Variants in FREM2 observed in about 807,000 individuals in gnomAD.
FREM2 encodes the protein FRAS1 related extracellular matrix 2.
FREM2 carries 119 observed loss-of-function variants against 219.9 expected under a neutral mutation model. That is an observed-to-expected ratio of 0.54 (90% CI 0.47 to 0.63). FREM2 has a LOEUF of 0.63. Ranked by LOEUF, FREM2 falls within the 30% of genes least tolerant of loss-of-function variation. FREM2 has a pLI of 0.00. For missense variants in FREM2, 4,030 were observed against 3,993.6 expected, an observed-to-expected ratio of 1.01 and a Z score of -0.25; for synonymous variants, 1,562 against 1,522.8, an observed-to-expected ratio of 1.03 and a Z score of -0.60.
rs531307455 is a variant in FREM2 at position 38,843,886 on chromosome 13, CA to C, written c.6020-2686del. Among the ~76,000 whole-genome samples, 464 of 148,338 alleles carry C rather than the reference CA, an allele frequency of 3.1e-3. 2 individuals carry two copies. Among genetic ancestry groups the C allele is most frequent in the African/African-American group, 0.011 (437 of 40,074 alleles). On this transcript the variant is annotated intron_variant, in intron 6 of 23. Coordinates refer to ENST00000280481, the MANE Select transcript of FREM2 (RefSeq NM_207361.6). ...ATGGCACAAGAAACTAGGTAGTTAG[CA>C]GAGTTTTTTTTTTTCTTATGGAAAC...
chr13:38,742,231 A>G (rs1291827572), intron 2 of FREM2, among the ~76,000 whole-genome samples: 1 of 152,236 alleles, frequency 6.6e-6, no homozygotes, highest in Non-Finnish European at 1.5e-5. Flanking sequence ...GTATGCAACT[A>G]CAAGGGTTGT....
rs770648056 is a variant in FREM2 at position 38,690,759 on chromosome 13, A to G, written c.3415A>G (p.Lys1139Glu). The G allele has an allele frequency of 7.4e-6, 12 of 1,614,058 alleles. No homozygotes were observed. The South Asian group carries it at 1.2e-4, about 16-fold the overall frequency. The change falls in exon 1 of 24, where the codon AAA becomes GAA. Residue 1139 changes from lysine to glutamate, a missense_variant. Lys to Glu is a moderately conservative substitution (Grantham distance 56). Around this residue, in one of 2 missense-constraint regions of FREM2, gnomAD observed 3,102 missense variants for 2,950.7 expected, o/e 1.05. Coordinates refer to ENST00000280481, the MANE Select transcript of FREM2 (RefSeq NM_207361.6). Reference sequence around the variant, plus strand: ...GATTGCCATAAGTGCTTTCAACTTGAAAGATCTCAGGCAGGGCCACATAAA... The same window carrying G: ...GATTGCCATAAGTGCTTTCAACTTGGAAGATCTCAGGCAGGGCCACATAAA... ...AGIAISAFNL[K>E]DLRQGHINYV...
At chr13:38,779,177 T>TGAGAACA (rs1178300722) in intron 4 of FREM2, among the ~76,000 whole-genome samples, 1 of 148,584 alleles carries the variant, frequency 6.7e-6, no homozygotes, top group Admixed American at 6.8e-5. Flanking sequence ...AGTTAGACAA[T>TGAGAACA]GAGAACACAG....
At chr13:38,738,565 C>CAAAAAAAAA (rs71074478) in intron 2 of FREM2, among the ~76,000 whole-genome samples, 1 of 48,464 alleles carries the variant, frequency 2.1e-5, no homozygotes, top group African/African-American at 6.6e-5. Context: ...GACTCCATCT[C>CAAAAAAAAA]AAAAAAAAAA....
At chr13:38,823,922 G>A (rs1876170664) in intron 6 of FREM2, among the ~76,000 whole-genome samples, 1 of 152,108 alleles carries the variant, frequency 6.6e-6, no homozygotes, top group Non-Finnish European at 1.5e-5. Context: ...ATATGCAATT[G>A]GGTTTTGCAA....
Position 38,729,287 on chromosome 13 carries a change from T to C in FREM2, c.5263+31500T>C, listed in dbSNP as rs189848423. Among the ~76,000 whole-genome samples, 805 of 152,310 alleles carry C rather than the reference T, an allele frequency of 5.3e-3. 5 individuals carry two copies. The highest frequency in any genetic ancestry group is 0.017 in the South Asian group (84 of 4,826). Reference sequence around the variant, plus strand: ...TGGGCTAGAATGATGATTTTCTGTGTGTGTCTATGACATATGATGCTTTTC... The same window carrying C: ...TGGGCTAGAATGATGATTTTCTGTGCGTGTCTATGACATATGATGCTTTTC... On this transcript the variant is annotated intron_variant, in intron 2 of 23. Transcript: ENST00000280481.
chr13:38,860,465 C>T (rs935225173), intron 14 of FREM2, among the ~76,000 whole-genome samples: 2 of 152,186 alleles, frequency 1.3e-5, no homozygotes, highest in Non-Finnish European at 2.9e-5. Context: ...TATTTGCACA[C>T]CGCATTCAAA....
At chr13:38,822,639 C>T (rs529056799) in intron 6 of FREM2, among the ~76,000 whole-genome samples, 25 of 152,156 alleles carry the variant, frequency 1.6e-4, no homozygotes, top group Admixed American at 3.9e-4. Context: ...CAGGGGATCG[C>T]TATCCTCCCA....
At chr13:38,823,599 A>G (rs962159135) in intron 6 of FREM2, among the ~76,000 whole-genome samples, 4 of 151,936 alleles carry the variant, frequency 2.6e-5, no homozygotes, top group Non-Finnish European at 2.9e-5. Context: ...TTGAAGAAAA[A>G]TTCTCCCTCT....
chr13:38,844,275 C>A (rs1566163619), intron 6 of FREM2, among the ~76,000 whole-genome samples: 4 of 152,106 alleles, frequency 2.6e-5, no homozygotes, highest in African/African-American at 7.2e-5. Flanking sequence ...CCACCCCCGC[C>A]TCTTTCTTTC....
intron 6 of FREM2, among the ~76,000 whole-genome samples, chr13:38,786,965 C>T (rs568091058): frequency 5.9e-5 from 9 of 152,062 alleles, no homozygotes; most frequent in Non-Finnish European, 4.4e-5. Flanking sequence ...ACCTTTAAAA[C>T]GTGTCTCTAG....
chr13:38,689,876 C>A lies in FREM2; in HGVS notation c.2532C>A (p.His844Gln). 2 of 1,614,162 alleles carry A rather than the reference C, an allele frequency of 1.2e-6. No homozygotes were observed. The highest frequency in any genetic ancestry group is 1.7e-6 in the Non-Finnish European group (2 of 1,180,028). The stretch of plus-strand genomic sequence containing the variant: ...GCTTCACTATTCAGGAGAAGGGTCA[C>A]CACATCCTGAGTGAGACAGAGTTGC... ...NTGFTIQEKG[H>Q]HILSETELHV... Residue 844 changes from histidine to glutamine, a missense_variant, in exon 1 of 24, where the codon CAC becomes CAA. By Grantham distance (24) the His-to-Gln change is conservative. Transcript: ENST00000280481.
intron 11 of FREM2, among the ~76,000 whole-genome samples, chr13:38,853,148 C>G (rs1877434291): frequency 6.6e-6 from 1 of 151,502 alleles, no homozygotes; most frequent in African/African-American, 2.4e-5. Flanking sequence ...ACCAACATGG[C>G]AAAACCCCGT....
chr13:38,803,781 A>G (rs1313995285), intron 6 of FREM2, among the ~76,000 whole-genome samples: 1 of 150,354 alleles, frequency 6.7e-6, no homozygotes, highest in African/African-American at 2.5e-5. Context: ...AAAAGGCAAC[A>G]TGGTGAGCTC....
intron 6 of FREM2, among the ~76,000 whole-genome samples, chr13:38,819,142 C>T (rs1053532082): frequency 1.3e-5 from 2 of 152,012 alleles, no homozygotes; most frequent in Admixed American, 1.3e-4. Flanking sequence ...AATAGGAGTC[C>T]ATTTGACTCA....
chr13:38,744,252 C>G (rs57385324), intron 2 of FREM2, among the ~76,000 whole-genome samples: 1 of 140,286 alleles, frequency 7.1e-6, no homozygotes, highest in African/African-American at 2.7e-5. Context: ...GTTCTTCCCC[C>G]CAGGCTGGTG....
intron 15 of FREM2, among the ~76,000 whole-genome samples, chr13:38,863,677 GTC>G (rs1877846658): frequency 6.6e-6 from 1 of 152,150 alleles, no homozygotes; most frequent in Non-Finnish European, 1.5e-5. Context: ...ATATCTTGTA[GTC>G]TCTGAAAAAC....
intron 16 of FREM2, among the ~76,000 whole-genome samples, chr13:38,870,902 TTA>T (rs1256913416): frequency 2.6e-5 from 4 of 152,218 alleles, no homozygotes; most frequent in African/African-American, 7.2e-5. Context: ...CCTATAAAGC[TTA>T]ATTGGAAATC....
intron 2 of FREM2, among the ~76,000 whole-genome samples, chr13:38,755,984 C>T (rs556323936): frequency 1.3e-5 from 2 of 152,236 alleles, no homozygotes; most frequent in South Asian, 4.2e-4. Context: ...ATTGTCATGG[C>T]CAGGGACAGA....
Sources: gnomAD v4.1 joint callset for allele counts (sites outside exome capture counted in the v4.1 genomes callset) on GRCh38, gnomAD v4.1.1 for gene constraint, gnomAD v4.1.1 regional missense constraint, MANE v1.5 for transcripts, NCBI Gene and HGNC (gene_info 2026-07-23, HGNC 2026-07-21) for gene names.